LATS1: variants seen among roughly 807,000 people sequenced by gnomAD.
LATS1 encodes serine/threonine-protein kinase LATS1.
LATS1 carries 25 observed loss-of-function variants against 106.6 expected under a neutral mutation model. The observed-to-expected ratio is 0.23, with a 90% confidence interval of 0.17 to 0.33. The LOEUF is 0.33. Ranked by LOEUF, LATS1 falls within the 10% of genes least tolerant of loss-of-function variation. The pLI, the probability that LATS1 is intolerant of heterozygous loss-of-function variation, is 1.00. For synonymous variants in LATS1, 465 were observed against 455.6 expected (o/e 1.02, Z -0.26); for missense variants, 1,040 against 1,382.6 (o/e 0.75, Z 3.93).
Position 149,711,493 on chromosome 6 carries a change from G to A in LATS1, c.-141+6356C>T, listed in dbSNP as rs575443388. Among the ~76,000 whole-genome samples, 11 of 152,188 alleles carry A rather than the reference G, an allele frequency of 7.2e-5. No individual in the cohort carries two copies. The East Asian group carries it at 1.4e-3, about 19-fold the overall frequency. The stretch of plus-strand genomic sequence containing the variant: ...TGGGAGGCGGAGGTTGCAGTGAGCG[G>A]AGATTGTGCCACTGCACTCTAGCCT... On this transcript the variant is annotated intron_variant, in intron 1 of 7. Transcript: ENST00000543571.
intron 7 of LATS1, among the ~76,000 whole-genome samples, chr6:149,668,551 C>T (rs547012127): frequency 6.6e-6 from 1 of 151,022 alleles, no homozygotes; most frequent in African/African-American, 2.4e-5. Context: ...AAGTGATCCT[C>T]TTGTGTCTGG....
At chr6:149,698,804 C>G (rs973039701) in intron 2 of LATS1, among the ~76,000 whole-genome samples, 1 of 152,034 alleles carries the variant, frequency 6.6e-6, no homozygotes, top group African/African-American at 2.4e-5. Context: ...TCAAGTGATC[C>G]ACCCGCCTTG....
At chr6:149,687,755 G>T (rs960751043) in intron 3 of LATS1, among the ~76,000 whole-genome samples, 2 of 151,748 alleles carry the variant, frequency 1.3e-5, no homozygotes, top group African/African-American at 4.8e-5. Flanking sequence ...TTTTTGTAGA[G>T]ACGGGGTCTC....
intron 7 of LATS1, 127 bp from the exon 8 acceptor site, chr6:149,662,365 G>A: frequency 1.1e-6 from 1 of 873,894 alleles, no homozygotes; most frequent in Non-Finnish European, 1.7e-6. Flanking sequence ...ATATTTTGCT[G>A]GAAAATAATT....
chr6:149,666,590 C>A (rs1391270315), intron 7 of LATS1, among the ~76,000 whole-genome samples: 1 of 151,492 alleles, frequency 6.6e-6, no homozygotes, highest in Non-Finnish European at 1.5e-5. Context: ...TGCCACTGCA[C>A]CCCAGCTTGG....
chr6:149,717,089 A>C (rs1326539989), intron 1 of LATS1, among the ~76,000 whole-genome samples: 2 of 152,180 alleles, frequency 1.3e-5, no homozygotes, highest in African/African-American at 2.4e-5. Flanking sequence ...GATTATACTT[A>C]TTGTTCACTA....
chr6:149,658,951 T>C lies in LATS1; in HGVS notation c.*2778A>G, dbSNP rs1215173047. On this transcript the variant is annotated 3_prime_UTR_variant, in exon 8 of 8. Transcript: ENST00000543571. ...TTTAAAAGAAAACATATAGAACCAA[T>C]GTTTTCACTCCATTTCAATGGAAAG... 1 of 152,180 alleles carries C rather than the reference T, an allele frequency of 6.6e-6. No individual in the cohort carries two copies. The highest frequency in any genetic ancestry group is 6.5e-5 in the Admixed American group (1 of 15,272). The allele number at this position is 152,180 out of a possible 1,614,324, so 9.4% of individuals were successfully genotyped here.
chr6:149,661,933 T>C lies in LATS1; in HGVS notation c.3189A>G (p.Gly1063=). The stretch of plus-strand genomic sequence containing the variant: ...CAGGATGCTTTCCATTTTTATACCA[T>C]CCATTGAGAGTGTCATTTACATTTT... The part of the protein sequence containing the change: ...EEENVNDTLN[G]WYKNGKHPEH... The change falls in exon 8 of 8, where the codon GGA becomes GGG. Residue 1063 remains glycine, a synonymous_variant. Transcript: ENST00000543571. The C allele has an allele frequency of 6.2e-7, 1 of 1,614,038 alleles. No homozygotes were observed. Among genetic ancestry groups the C allele is most frequent in the Non-Finnish European group, 8.5e-7 (1 of 1,179,952 alleles).
At position 149,684,500 on chromosome 6, in the gene LATS1, T is replaced by C; in HGVS notation, c.589A>G (p.Ser197Gly). ...GGACTCTCAGAATGATAGGCCACAC[T>C]TTCTCCTAGTGGCGGGCCATGCCTC... ...PQRHGPPLGE[S>G]VAYHSESPNS... Residue 197 changes from serine (S) to glycine (G), a missense_variant, in exon 4 of 8, where the codon AGT becomes GGT. By Grantham distance (56) the Ser-to-Gly change is moderately conservative. Coordinates refer to ENST00000543571, the MANE Select transcript of LATS1 (RefSeq NM_004690.4). 1 of 1,614,136 alleles carries C rather than the reference T, an allele frequency of 6.2e-7. No individual in the cohort carries two copies. Among genetic ancestry groups the C allele is most frequent in the Non-Finnish European group, 8.5e-7 (1 of 1,179,976 alleles).
intron 7 of LATS1, among the ~76,000 whole-genome samples, chr6:149,674,881 G>T (rs1781629941): frequency 1.3e-5 from 2 of 150,562 alleles, no homozygotes; most frequent in African/African-American, 4.9e-5. Flanking sequence ...TACACCCTAG[G>T]TGAAATGTTT....
chr6:149,686,962 T>C (rs1005923393), intron 3 of LATS1, among the ~76,000 whole-genome samples: 10 of 152,200 alleles, frequency 6.6e-5, no homozygotes, highest in African/African-American at 2.4e-4. Flanking sequence ...ATATCTGCTC[T>C]TGTTTCAGAA....
chr6:149,666,307 C>G (rs1562317725), intron 7 of LATS1, among the ~76,000 whole-genome samples: 1 of 152,014 alleles, frequency 6.6e-6, no homozygotes, highest in Non-Finnish European at 1.5e-5. Flanking sequence ...CTAGAATTTT[C>G]TGACAAAAAC....
rs1780834118 is a variant in LATS1 at position 149,660,148 on chromosome 6, A to G, written c.*1581T>C. The G allele has an allele frequency of 4.3e-6, 1 of 232,422 alleles. No individual in the cohort carries two copies. 14.4% of individuals were successfully genotyped at this position (232,422 alleles called of 1,614,324 possible). A position where few individuals can be genotyped will look rare whatever the true frequency, so the allele number is the denominator to read the frequency against. ...CCCTTGAAACTGCATGCAACATTGT[A>G]TGTGTATGTGTGGTTTTTTTTTCTA... On this transcript the variant is annotated 3_prime_UTR_variant, in exon 8 of 8. Transcript: ENST00000543571.
intron 3 of LATS1, among the ~76,000 whole-genome samples, chr6:149,685,151 T>C (rs893483138): frequency 6.6e-5 from 10 of 151,844 alleles, no homozygotes; most frequent in East Asian, 3.9e-4. Context: ...GGCAGGAGAA[T>C]TGCATGAACC....
At chr6:149,681,730 T>C (rs1782040409) in intron 4 of LATS1, among the ~76,000 whole-genome samples, 1 of 152,182 alleles carries the variant, frequency 6.6e-6, no homozygotes, top group Admixed American at 6.5e-5. Flanking sequence ...TTCAAGTATA[T>C]AAAGGTGTTT....
chr6:149,686,531 T>A (rs1198921796), intron 3 of LATS1, among the ~76,000 whole-genome samples: 2 of 152,162 alleles, frequency 1.3e-5, no homozygotes, highest in Non-Finnish European at 2.9e-5. Flanking sequence ...ATCAGTAACC[T>A]CTCCTCCAAG....
At position 149,676,331 on chromosome 6, in the gene LATS1, C is replaced by T. The variant is rs1419807991; in HGVS notation, c.2812G>A (p.Val938Ile). 1.2e-6 allele frequency: 2 copies of T among 1,613,364 alleles called. No individual in the cohort carries two copies. Among genetic ancestry groups the T allele is most frequent in the Non-Finnish European group, 1.7e-6 (2 of 1,179,312 alleles). The change falls in exon 7 of 8, where the codon GTT becomes ATT. Residue 938 changes from valine (V) to isoleucine (I), a missense_variant. Transcript: ENST00000543571. ...CCCACCAACATTTCAAAAAGAATAA[C>T]ACCAACACTCCACCAATCACACAAC... ...TQLCDWWSVGVILFEMLVGQP... is the reference protein window; with the variant it reads ...TQLCDWWSVGIILFEMLVGQP...
chr6:149,682,282 G>A (rs151016464), intron 4 of LATS1, among the ~76,000 whole-genome samples: 4 of 152,062 alleles, frequency 2.6e-5, no homozygotes, highest in East Asian at 1.9e-4. Flanking sequence ...TGAGAAGGGA[G>A]ATATAACTGA....
intron 1 of LATS1, among the ~76,000 whole-genome samples, chr6:149,713,841 G>A (rs1296789390): frequency 1.3e-5 from 2 of 152,058 alleles, no homozygotes; most frequent in East Asian, 3.9e-4. Flanking sequence ...TGTATTTTTA[G>A]TAGAGATGGG....
Sources: allele counts gnomAD v4.1 joint callset (sites outside exome capture counted in the v4.1 genomes callset), GRCh38; gene constraint gnomAD v4.1.1; transcripts MANE v1.5; gene names NCBI Gene and HGNC (gene_info 2026-07-23, HGNC 2026-07-21).